MLIP: variants seen among roughly 807,000 people sequenced by gnomAD.
MLIP encodes muscular LMNA interacting protein, also known as muscular LMNA-interacting protein.
Under a neutral mutation model 84.8 loss-of-function variants are expected in MLIP, and 79 were observed. The ratio of observed to expected loss-of-function variants is 0.93; its 90% CI spans 0.78 to 1.12. The LOEUF (loss-of-function observed/expected upper bound fraction) is 1.12. MLIP is among the 50% of genes most tolerant of loss of function. MLIP has a pLI of 0.00. For missense variants in MLIP, 1,257 were observed against 1,160.6 expected (o/e 1.08, Z -1.21); for synonymous variants, 504 against 463.0 (o/e 1.09, Z -1.14).
intron 1 of MLIP, chr6:54,019,122 T>G (rs1763359225): frequency 6.2e-7 from 1 of 1,607,484 alleles, no homozygotes; most frequent in Non-Finnish European, 8.5e-7. Context: ...CACACAGATT[T>G]ATAATGAAAT....
exon 1 of MLIP, chr6:54,018,972 A>G (rs1581962143): frequency 6.8e-7 from 1 of 1,462,636 alleles, no homozygotes; most frequent in East Asian, 2.3e-5. Context: ...CATTTTCTAG[A>G]CAGAATCTGA....
chr6:54,194,554 T>G (rs987569495), intron 10 of MLIP, among the ~76,000 whole-genome samples: 1 of 147,994 alleles, frequency 6.8e-6, no homozygotes, highest in Non-Finnish European at 1.5e-5. Flanking sequence ...ATTATAAAAC[T>G]TTTTTTTGGA....
chr6:54,038,615 A>T (rs1764577160), intron 1 of MLIP, among the ~76,000 whole-genome samples: 1 of 151,538 alleles, frequency 6.6e-6, no homozygotes, highest in African/African-American at 2.4e-5. Context: ...TGAAGTTTTG[A>T]TGATTCCTTA....
intron 1 of MLIP, among the ~76,000 whole-genome samples, chr6:54,084,416 C>T (rs965727785): frequency 9.2e-5 from 14 of 152,222 alleles, no homozygotes; most frequent in East Asian, 1.9e-4. Flanking sequence ...GGGTACTGAA[C>T]GTTCCTGCAA....
Position 54,023,390 on chromosome 6 carries a change from T to C in MLIP, c.63+4299T>C, listed in dbSNP as rs909503688. ...ACAGCATATATCTAATATAAGGAGC[T>C]GAACAATTATATTTTAAATAATTTA... is the stretch of plus-strand genomic sequence containing the variant. On this transcript the variant is annotated intron_variant, in intron 1 of 12. Transcript: ENST00000274897. Among the ~76,000 whole-genome samples, 64 of 151,824 alleles carry C rather than the reference T, an allele frequency of 4.2e-4. 1 individual carries two copies. The highest frequency in any genetic ancestry group is 3.0e-3 in the Admixed American group (46 of 15,260).
chr6:54,110,861 C>T (rs1769399377), upstream of MLIP, among the ~76,000 whole-genome samples: 2 of 152,200 alleles, frequency 1.3e-5, no homozygotes, highest in Non-Finnish European at 2.9e-5. Flanking sequence ...TCTGTTTTGA[C>T]AAGGATTTGA....
Position 54,104,948 on chromosome 6 carries a change from A to G in MLIP, c.64-16499A>G, listed in dbSNP as rs532781621. 5.9e-5 allele frequency among the ~76,000 whole-genome samples: 9 copies of G among 152,294 alleles called. No homozygotes were observed. The South Asian group carries it at 1.9e-3, about 32-fold the overall frequency. On this transcript the variant is annotated intron_variant, in intron 1 of 12. Coordinates refer to the MLIP transcript ENST00000274897. ...CCTCCAAATATAGGATATGGAATAT[A>G]CCAATTCCTAAATTTATTTGACCAC... is the stretch of plus-strand genomic sequence containing the variant.
intron 9 of MLIP, among the ~76,000 whole-genome samples, chr6:54,183,494 T>C (rs1777088738): frequency 6.6e-6 from 1 of 152,102 alleles, no homozygotes; most frequent in Non-Finnish European, 1.5e-5. Flanking sequence ...GGTGCCTTAT[T>C]TCAGACAAAC....
chr6:54,212,536 T>C (rs536774625), intron 11 of MLIP, among the ~76,000 whole-genome samples: 1 of 152,338 alleles, frequency 6.6e-6, no homozygotes, highest in South Asian at 2.1e-4. Context: ...TGCAGGTGTA[T>C]GTGTGCCTGT....
rs76767099 is a variant in MLIP at position 54,123,090 on chromosome 6, C to A, written c.253-1383C>A. On this transcript the variant is annotated intron_variant, in intron 2 of 13. Transcript: ENST00000502396. ...GGGACTATAGGCGCCTCTGCCACCGCGCCCGGCTAATTTTTTTTGTATTTT... is the reference window on the plus strand; with the variant it reads ...GGGACTATAGGCGCCTCTGCCACCGAGCCCGGCTAATTTTTTTTGTATTTT... Among the ~76,000 whole-genome samples, 107 of 136,504 alleles carry A rather than the reference C, an allele frequency of 7.8e-4. No individual in the cohort carries two copies. In the East Asian group the frequency reaches 0.012, roughly 15 times the overall value. 89.6% of individuals were successfully genotyped at this position (136,504 alleles called of 152,430 possible).
At chr6:54,052,223 A>G (rs1329731095) in intron 1 of MLIP, among the ~76,000 whole-genome samples, 1 of 152,110 alleles carries the variant, frequency 6.6e-6, no homozygotes, top group Admixed American at 6.6e-5. Context: ...GAAATATATG[A>G]TCCTCTTAGG....
intron 1 of MLIP, among the ~76,000 whole-genome samples, chr6:54,066,187 A>C (rs145394546): frequency 0.014 from 1,426 of 99,876 alleles, 201 homozygotes; most frequent in African/African-American, 0.032. Context: ...ACTTAGAATG[A>C]ATTCCAAAAT....
intron 1 of MLIP, among the ~76,000 whole-genome samples, chr6:54,035,289 T>G (rs983779695): frequency 1.3e-5 from 2 of 152,168 alleles, no homozygotes; most frequent in Admixed American, 1.3e-4. Context: ...GTTGTGAGGA[T>G]CCACAGTTTC....
intron 1 of MLIP, chr6:54,032,546 A>C (rs1008277815): frequency 6.6e-6 from 1 of 151,022 alleles, no homozygotes; most frequent in Non-Finnish European, 1.5e-5. Flanking sequence ...TCAAGAAGTA[A>C]AAGGGATTTT....
At chr6:54,233,385 GTT>G (rs773522163) in intron 12 of MLIP, among the ~76,000 whole-genome samples, 2 of 150,688 alleles carry the variant, frequency 1.3e-5, no homozygotes, top group Non-Finnish European at 2.9e-5. Context: ...GTGTCCATGT[GTT>G]TTCATTGTTC....
intron 9 of MLIP, 79 bp from the exon 10 acceptor site, chr6:54,189,791 A>C: frequency 5.4e-6 from 6 of 1,114,814 alleles, no homozygotes; most frequent in Non-Finnish European, 8.0e-6. Flanking sequence ...ATAATAAACA[A>C]ACTTCAAAAT....
Position 54,241,077 on chromosome 6 carries a change from C to A in MLIP, c.2922+10160C>A, listed in dbSNP as rs9370275. 2.8e-3 allele frequency among the ~76,000 whole-genome samples: 427 copies of A among 151,926 alleles called. 6 individuals carry two copies. The highest frequency in any genetic ancestry group is 0.02 in the South Asian group (98 of 4,812). The stretch of plus-strand genomic sequence containing the variant: ...AACCGGGCGACCTCAAAGTTTTTAC[C>A]TCATAGAAAACACTATGCTTCCCCT... On this transcript the variant is annotated intron_variant, in intron 12 of 13. Transcript: ENST00000502396.
intron 1 of MLIP, among the ~76,000 whole-genome samples, chr6:54,040,615 T>C (rs1318337106): frequency 6.6e-6 from 1 of 152,056 alleles, no homozygotes; most frequent in African/African-American, 2.4e-5. Flanking sequence ...TATGCACTCA[T>C]ACATTCATCA....
intron 4 of MLIP, among the ~76,000 whole-genome samples, chr6:54,140,540 T>C (rs950437532): frequency 2.6e-5 from 4 of 152,146 alleles, no homozygotes; most frequent in Non-Finnish European, 4.4e-5. Context: ...AAAAAAAGCT[T>C]CTTATCATGG....
Sources: allele counts gnomAD v4.1 joint callset (sites outside exome capture counted in the v4.1 genomes callset), GRCh38; gene constraint gnomAD v4.1.1; transcripts MANE v1.5; gene names NCBI Gene and HGNC (gene_info 2026-07-23, HGNC 2026-07-21).